The following AMOTL1 variants were observed in gnomAD, a reference collection of about 807,000 sequenced individuals.
The protein encoded by AMOTL1 is angiomotin-like protein 1.
AMOTL1 carries 45 observed loss-of-function variants against 102.9 expected under a neutral mutation model. The ratio of observed to expected loss-of-function variants is 0.44; its 90% CI spans 0.34 to 0.56. The LOEUF is 0.56. Among genes scored for constraint, AMOTL1 ranks in the 20% least tolerant of loss-of-function variants. The pLI is 0.01. For synonymous variants in AMOTL1, 481 were observed against 484.7 expected, an observed-to-expected ratio of 0.99 and a Z score of 0.10; for missense variants, 1,114 against 1,225.6, an observed-to-expected ratio of 0.91 and a Z score of 1.36.
intron 4 of AMOTL1, among the ~76,000 whole-genome samples, chr11:94,826,417 T>A (rs1229414414): frequency 6.6e-6 from 1 of 152,210 alleles, no homozygotes; most frequent in African/African-American, 2.4e-5. Context: ...ACTGGGTAAT[T>A]TATAAAGAGA....
chr11:94,808,965 CTTTTTTT>C (rs199619372), intron 3 of AMOTL1, among the ~76,000 whole-genome samples: 13 of 111,894 alleles, frequency 1.2e-4, no homozygotes, highest in African/African-American at 4.3e-4. Context: ...TTCTTTCTTT[CTTTTTTT>C]TTTTTTTTTT....
At chr11:94,719,378 C>T (rs1417693944) in intron 1 of AMOTL1, among the ~76,000 whole-genome samples, 1 of 151,920 alleles carries the variant, frequency 6.6e-6, no homozygotes, top group African/African-American at 2.4e-5. Context: ...TAAAAAATTA[C>T]TAAATAAGTA....
chr11:94,829,409 G>A (rs898579308), intron 4 of AMOTL1, among the ~76,000 whole-genome samples: 2 of 151,720 alleles, frequency 1.3e-5, no homozygotes, highest in African/African-American at 4.8e-5. Flanking sequence ...TTTTAGTAGA[G>A]GCAAGGTTTC....
At chr11:94,827,334 T>A (rs2135649072) in intron 4 of AMOTL1, among the ~76,000 whole-genome samples, 1 of 152,344 alleles carries the variant, frequency 6.6e-6, no homozygotes, top group South Asian at 2.1e-4. Context: ...TCATGGTGGA[T>A]GCCTCAAAGT....
At chr11:94,733,676 T>C (rs1307352117) in intron 2 of AMOTL1, among the ~76,000 whole-genome samples, 1 of 152,256 alleles carries the variant, frequency 6.6e-6, no homozygotes, top group East Asian at 1.9e-4. Flanking sequence ...GAAACTCACA[T>C]TTATCCTACA....
intron 3 of AMOTL1, among the ~76,000 whole-genome samples, chr11:94,743,664 T>C (rs1950556327): frequency 7.0e-6 from 1 of 142,360 alleles, no homozygotes; most frequent in Non-Finnish European, 1.5e-5. Flanking sequence ...TTTTTTTTTT[T>C]TTTTTTTTTT....
chr11:94,758,124 A>G (rs952487964), intron 3 of AMOTL1, among the ~76,000 whole-genome samples: 79 of 152,352 alleles, frequency 5.2e-4, no homozygotes, highest in African/African-American at 1.8e-3. Context: ...TGTTAATTTC[A>G]TTTAATTAAT....
At chr11:94,841,432 A>G (rs559188677) in intron 6 of AMOTL1, among the ~76,000 whole-genome samples, 1 of 152,334 alleles carries the variant, frequency 6.6e-6, no homozygotes, top group African/African-American at 2.4e-5. Flanking sequence ...AGCCTGGGCC[A>G]CAGAGCCAGA....
intron 2 of AMOTL1, chr11:94,796,970 A>G (rs1951379202): frequency 2.0e-6 from 2 of 985,404 alleles, no homozygotes; most frequent in African/African-American, 3.5e-5. Context: ...CTGTAGACTG[A>G]GAAAAACGAG....
At chr11:94,825,200 G>A (rs1404455328) in intron 4 of AMOTL1, among the ~76,000 whole-genome samples, 3 of 152,158 alleles carry the variant, frequency 2.0e-5, no homozygotes, top group African/African-American at 7.2e-5. Flanking sequence ...AAGCCATCAG[G>A]GAATAGACGG....
intron 9 of AMOTL1, among the ~76,000 whole-genome samples, chr11:94,861,481 T>G (rs1592045760): frequency 6.6e-6 from 1 of 152,328 alleles, no homozygotes; most frequent in Admixed American, 6.5e-5. Context: ...CCTGGGAGTT[T>G]CCTTCCTCCC....
At position 94,870,735 on chromosome 11, in the gene AMOTL1, C is replaced by G. The variant is rs370069240; in HGVS notation, c.2811C>G (p.Val937=). Residue 937 remains valine (V), a synonymous_variant, in exon 13 of 13, where the codon GTC becomes GTG. Transcript: ENST00000433060. Reference sequence around the variant, plus strand: ...AGTCGCCTGACCACAGAGGCCGGGTCAGCAGCTTGCTGCACAAGCCCGAGT... The same window carrying G: ...AGTCGCCTGACCACAGAGGCCGGGTGAGCAGCTTGCTGCACAAGCCCGAGT... ...HGKSPDHRGR[V]SSLLHKPEFP... is the part of the protein sequence containing the mutation. 2.8e-4 allele frequency: 444 copies of G among 1,604,654 alleles called. 2 individuals are homozygous for G. In the African/African-American group the frequency reaches 5.4e-3, roughly 20 times the overall value.
upstream of AMOTL1, among the ~76,000 whole-genome samples, chr11:94,763,471 T>C (rs796345594): frequency 1.3e-5 from 2 of 152,170 alleles, no homozygotes; most frequent in African/African-American, 4.8e-5. Flanking sequence ...CACACTAGAG[T>C]TGACCCTTGA....
chr11:94,818,740 CAAAGT>C (rs1362607841), intron 3 of AMOTL1, among the ~76,000 whole-genome samples: 2 of 152,106 alleles, frequency 1.3e-5, no homozygotes, highest in African/African-American at 4.8e-5. Context: ...TACACGTCTC[CAAAGT>C]AATGTTTTTA....
chr11:94,790,121 G>A (rs1205323806), intron 1 of AMOTL1, among the ~76,000 whole-genome samples: 4 of 152,166 alleles, frequency 2.6e-5, no homozygotes, highest in Non-Finnish European at 4.4e-5. Flanking sequence ...GACTGGCTTT[G>A]GAGGGATCTT....
intron 6 of AMOTL1, among the ~76,000 whole-genome samples, chr11:94,835,301 A>G (rs1272355537): frequency 6.6e-6 from 1 of 152,128 alleles, no homozygotes; most frequent in Non-Finnish European, 1.5e-5. Context: ...TTTGTCCCTC[A>G]ACTTAACTAA....
chr11:94,717,384 A>G (rs936683739), intron 1 of AMOTL1, among the ~76,000 whole-genome samples: 3 of 149,616 alleles, frequency 2.0e-5, no homozygotes, highest in Non-Finnish European at 4.4e-5. Flanking sequence ...GCATGTCAGA[A>G]AATATAATTA....
chr11:94,807,483 A>C (rs1238862326), intron 3 of AMOTL1, among the ~76,000 whole-genome samples: 1 of 152,164 alleles, frequency 6.6e-6, no homozygotes, highest in Non-Finnish European at 1.5e-5. Flanking sequence ...TTAGATAATA[A>C]AATTTTTTTA....
chr11:94,864,843 T>C lies in AMOTL1; in HGVS notation c.2244T>C (p.Cys748=). The stretch of plus-strand genomic sequence containing the variant: ...AGGTGGTGCAGGCCAACAGAAGGTG[T>C]CAGGACATGGAATACACGTAAGGGA... ...EEEVVQANRR[C]QDMEYTIKNL... Residue 748 remains cysteine (C), a synonymous_variant, in exon 10 of 13, where the codon TGT becomes TGC. Coordinates refer to ENST00000433060, the MANE Select transcript of AMOTL1 (RefSeq NM_130847.3). 1 of 1,613,600 alleles carries C rather than the reference T, an allele frequency of 6.2e-7. No homozygotes were observed. Among genetic ancestry groups the C allele is most frequent in the Admixed American group, 1.7e-5 (1 of 60,012 alleles).
Sources: gnomAD v4.1 joint callset for allele counts (sites outside exome capture counted in the v4.1 genomes callset) on GRCh38, gnomAD v4.1.1 for gene constraint, MANE v1.5 for transcripts, NCBI Gene and HGNC (gene_info 2026-07-23, HGNC 2026-07-21) for gene names.